The following ATP8A2 variants were observed in gnomAD, a reference collection of about 807,000 sequenced individuals.
The protein encoded by ATP8A2 is phospholipid-transporting ATPase IB.
A neutral mutation model predicts 165.6 loss-of-function variants in ATP8A2; 100 were observed. That is an observed-to-expected ratio of 0.60 (90% confidence interval 0.51 to 0.71). The LOEUF (loss-of-function observed/expected upper bound fraction) is 0.71, where lower values mean the gene tolerates loss of function less well. ATP8A2 is among the 30% of genes least tolerant of loss of function. The pLI, the probability that ATP8A2 is intolerant of heterozygous loss-of-function variation, is 0.00. For missense variants in ATP8A2, 1,227 were observed against 1,479.5 expected (o/e 0.83, Z 2.80); for synonymous variants, 543 against 548.8 (o/e 0.99, Z 0.15).
At chr13:25,908,212 AG>A (rs1954001851) in intron 33 of ATP8A2, among the ~76,000 whole-genome samples, 1 of 152,010 alleles carries the variant, frequency 6.6e-6, no homozygotes, top group Non-Finnish European at 1.5e-5. Context: ...CTATGTCTGT[AG>A]GGCAGTTTTC....
chr13:25,740,145 TC>T (rs1437104815), intron 25 of ATP8A2, among the ~76,000 whole-genome samples: 1 of 151,842 alleles, frequency 6.6e-6, no homozygotes, highest in East Asian at 1.9e-4. Flanking sequence ...CCATCTCTAT[TC>T]CAAATACAAA....
intron 27 of ATP8A2, among the ~76,000 whole-genome samples, 175 bp downstream of exon 27, chr13:25,775,134 G>T (rs1342428061): frequency 6.6e-6 from 1 of 152,150 alleles, no homozygotes; most frequent in African/African-American, 2.4e-5. Context: ...CGCCATTCTG[G>T]TCTAGATCCT....
chr13:25,920,013 T>C (rs879859606), intron 33 of ATP8A2, among the ~76,000 whole-genome samples: 2 of 151,968 alleles, frequency 1.3e-5, no homozygotes, highest in Non-Finnish European at 2.9e-5. Context: ...GTCTCGAACT[T>C]CTGGGCTCAA....
intron 33 of ATP8A2, among the ~76,000 whole-genome samples, chr13:25,903,166 A>G (rs1452472161): frequency 6.6e-6 from 1 of 152,156 alleles, no homozygotes; most frequent in Non-Finnish European, 1.5e-5. Context: ...GTCTCCTGCC[A>G]TAGCTCCTGT....
At chr13:25,771,663 A>G (rs2138303381) in intron 26 of ATP8A2, among the ~76,000 whole-genome samples, 1 of 152,316 alleles carries the variant, frequency 6.6e-6, no homozygotes, top group South Asian at 2.1e-4. Flanking sequence ...CCAGCATCAT[A>G]GTCACTTCTG....
At chr13:25,940,729 C>T (rs1053391260) in intron 33 of ATP8A2, among the ~76,000 whole-genome samples, 3 of 152,222 alleles carry the variant, frequency 2.0e-5, no homozygotes, top group Non-Finnish European at 2.9e-5. Context: ...GGGTTCACCC[C>T]TCAGCAGGTG....
intron 24 of ATP8A2, among the ~76,000 whole-genome samples, chr13:25,696,133 C>T (rs1381541067): frequency 6.6e-6 from 1 of 152,208 alleles, no homozygotes; most frequent in Non-Finnish European, 1.5e-5. Flanking sequence ...TGGCCCAGTG[C>T]ATTGTTAGTG....
intron 33 of ATP8A2, among the ~76,000 whole-genome samples, chr13:25,878,345 A>G (rs1436450503): frequency 1.3e-5 from 2 of 152,140 alleles, no homozygotes; most frequent in East Asian, 3.9e-4. Flanking sequence ...GTTACAGGAA[A>G]GAGGTCCCGA....
chr13:25,589,633 A>G lies in ATP8A2; in HGVS notation c.2147-2A>G. The G allele has an allele frequency of 6.2e-7, 1 of 1,608,288 alleles. No homozygotes were observed. Among genetic ancestry groups the G allele is most frequent in the Non-Finnish European group, 8.5e-7 (1 of 1,175,138 alleles). On this transcript the variant is annotated splice_acceptor_variant, in intron 23 of 36. Coordinates refer to ENST00000381655, the MANE Select transcript of ATP8A2 (RefSeq NM_016529.6). LOFTEE classifies it high-confidence loss of function. ...CACATGTTGTCTCTTCCTCCACTTC[A>G]GGGTATTCCTGCCGATTGGTATCGC...
rs935753737 is a variant in ATP8A2, at chr13:26,021,093, G to A, written c.*1108G>A. ...ATTTATAACATGCCTGCACAGCGAA[G>A]GAACACACCTGTCGCTCTTAGCTCT... On this transcript the variant is annotated 3_prime_UTR_variant, in exon 37 of 37. Coordinates refer to ENST00000381655, the MANE Select transcript of ATP8A2 (RefSeq NM_016529.6). The A allele has an allele frequency of 1.6e-4, 24 of 152,262 alleles. No individual in the cohort carries two copies. Among genetic ancestry groups the A allele is most frequent in the African/African-American group, 5.8e-4 (24 of 41,462 alleles). 9.4% of individuals were successfully genotyped at this position (152,262 alleles called of 1,614,324 possible). A position where few individuals can be genotyped will look rare whatever the true frequency, so the allele number is the denominator to read the frequency against.
intron 36 of ATP8A2, among the ~76,000 whole-genome samples, chr13:26,018,360 G>C (rs1286080506): frequency 1.3e-5 from 2 of 152,178 alleles, no homozygotes; most frequent in Non-Finnish European, 2.9e-5. Context: ...GTTACTGTAT[G>C]TCTTGATACT....
chr13:25,967,376 C>T (rs1031334928), intron 34 of ATP8A2, among the ~76,000 whole-genome samples: 2 of 152,152 alleles, frequency 1.3e-5, no homozygotes, highest in Non-Finnish European at 2.9e-5. Flanking sequence ...TGCTAATACT[C>T]CATTATAGAT....
At chr13:25,409,260 C>A (rs1268441492) in intron 1 of ATP8A2, among the ~76,000 whole-genome samples, 1 of 152,088 alleles carries the variant, frequency 6.6e-6, no homozygotes, top group African/African-American at 2.4e-5. Flanking sequence ...AATGAATTTT[C>A]TGGGCCTCAT....
Position 25,472,688 on chromosome 13 carries a change from A to G in ATP8A2, c.221+3567A>G, listed in dbSNP as rs572780848. On this transcript the variant is annotated intron_variant, in intron 2 of 36. Coordinates refer to ENST00000381655, the MANE Select transcript of ATP8A2 (RefSeq NM_016529.6). ...AGGCAGGGCATGGAGAGTTTATCCCAGTTCCTTTGCCCCTAAATTGAGCTT... is the reference window on the plus strand; with the variant it reads ...AGGCAGGGCATGGAGAGTTTATCCCGGTTCCTTTGCCCCTAAATTGAGCTT... Among the ~76,000 whole-genome samples, 79 of 152,296 alleles carry G rather than the reference A, an allele frequency of 5.2e-4. 2 individuals are homozygous for G. In the South Asian group the frequency reaches 0.016, roughly 31 times the overall value.
intron 1 of ATP8A2, among the ~76,000 whole-genome samples, chr13:25,455,289 G>A (rs1389749071): frequency 6.6e-6 from 1 of 152,176 alleles, no homozygotes; most frequent in Non-Finnish European, 1.5e-5. Context: ...TGTATGTAGA[G>A]TCGAGTGTGC....
intron 24 of ATP8A2, among the ~76,000 whole-genome samples, chr13:25,607,219 C>T (rs955820203): frequency 2.0e-5 from 3 of 152,198 alleles, no homozygotes; most frequent in African/African-American, 4.8e-5. Context: ...TTCCACAAAA[C>T]GGGTCCCTGG....
At chr13:25,718,833 C>T (rs1437407129) in intron 25 of ATP8A2, among the ~76,000 whole-genome samples, 5 of 152,128 alleles carry the variant, frequency 3.3e-5, no homozygotes, top group Non-Finnish European at 7.4e-5. Flanking sequence ...AACTTAGAGG[C>T]GTTTCTTCTG....
chr13:25,946,944 C>T (rs889216883), intron 33 of ATP8A2, among the ~76,000 whole-genome samples: 13 of 152,122 alleles, frequency 8.5e-5, no homozygotes, highest in Admixed American at 1.3e-4. Context: ...GACGGGGTTT[C>T]GCCATGCTTG....
chr13:25,745,670 T>C (rs1486978327), intron 25 of ATP8A2, among the ~76,000 whole-genome samples: 2 of 152,202 alleles, frequency 1.3e-5, no homozygotes, highest in African/African-American at 4.8e-5. Flanking sequence ...TCAGCCAAGA[T>C]ATAATTGATA....
Sources: allele counts gnomAD v4.1 joint callset (sites outside exome capture counted in the v4.1 genomes callset), GRCh38; gene constraint gnomAD v4.1.1; transcripts MANE v1.5; gene names NCBI Gene and HGNC (gene_info 2026-07-23, HGNC 2026-07-21).